RALYL: variants seen among roughly 807,000 people sequenced by gnomAD.
RALYL encodes RALY RNA binding protein like.
In RALYL, 29 loss-of-function variants were observed where a neutral mutation model predicts 35.1. That is an observed-to-expected ratio of 0.83 (90% CI 0.61 to 1.13). RALYL has a LOEUF of 1.13. Among genes scored for constraint, RALYL ranks in the 50% most tolerant of loss-of-function variants. RALYL has a pLI of 0.00. For missense variants in RALYL, 359 were observed against 360.4 expected (o/e 1.00, Z 0.03); for synonymous variants, 120 against 127.6 (o/e 0.94, Z 0.40).
chr8:84,864,592 C>A (rs1395303321), intron 6 of RALYL: 4 of 235,236 alleles, frequency 1.7e-5, no homozygotes, highest in Non-Finnish European at 3.4e-5. Context: ...AAGATTTATC[C>A]TAAGGATTAA....
intron 3 of RALYL, among the ~76,000 whole-genome samples, chr8:84,798,865 A>G (rs1459175542): frequency 6.6e-6 from 1 of 152,236 alleles, no homozygotes; most frequent in Non-Finnish European, 1.5e-5. Context: ...ATGCCAATGC[A>G]CAGGGGAAAA....
chr8:84,788,350 G>A (rs564324803), intron 3 of RALYL, among the ~76,000 whole-genome samples: 9 of 152,192 alleles, frequency 5.9e-5, no homozygotes, highest in South Asian at 2.1e-4. Context: ...AATAAATGAC[G>A]TCGAGAAAAC....
At chr8:84,371,224 G>A (rs1855618019) in intron 1 of RALYL, among the ~76,000 whole-genome samples, 2 of 151,872 alleles carry the variant, frequency 1.3e-5, no homozygotes. Context: ...TATTATCTGA[G>A]GAAATTAATT....
At chr8:84,510,490 A>G (rs2057519335) in intron 1 of RALYL, among the ~76,000 whole-genome samples, 1 of 152,126 alleles carries the variant, frequency 6.6e-6, no homozygotes, top group African/African-American at 2.4e-5. Context: ...CCTCGGTAGC[A>G]ATTTTTCACC....
chr8:84,302,916 G>T (rs1042517248), intron 1 of RALYL, among the ~76,000 whole-genome samples: 3 of 152,176 alleles, frequency 2.0e-5, no homozygotes, highest in Non-Finnish European at 4.4e-5. Flanking sequence ...ACACCCAAAG[G>T]ACTTGCAGAA....
intron 1 of RALYL, among the ~76,000 whole-genome samples, chr8:84,405,217 G>C (rs2043346889): frequency 6.6e-6 from 1 of 152,208 alleles, no homozygotes; most frequent in African/African-American, 2.4e-5. Flanking sequence ...CTAAAGCAGT[G>C]TTTAGAGGGA....
chr8:84,485,370 C>G (rs923857260), intron 1 of RALYL, among the ~76,000 whole-genome samples: 2 of 152,098 alleles, frequency 1.3e-5, no homozygotes, highest in Non-Finnish European at 2.9e-5. Context: ...GAGTGGATCA[C>G]TTGAGGTCAG....
At chr8:84,716,456 T>A (rs1209060855) in intron 2 of RALYL, among the ~76,000 whole-genome samples, 2 of 152,210 alleles carry the variant, frequency 1.3e-5, no homozygotes, top group Non-Finnish European at 2.9e-5. Context: ...ATTCATTTAC[T>A]TGGTCACATG....
In RALYL at chr8:84,367,318, A is replaced by AATTTTTTT. The variant is rs1854572226; in HGVS notation, c.-23-161981_-23-161980insATTTTTTT. On this transcript the variant is annotated intron_variant, in intron 1 of 8. Transcript: ENST00000521268. ...GCCATCCTGCCCAACTAATTTTTGT[A>AATTTTTTT]TTTTTTTTTTTTTTTTTTTTTTTTT... 2.9e-4 allele frequency among the ~76,000 whole-genome samples: 8 copies of AATTTTTTT among 27,400 alleles called. 3 individuals carry two copies. The highest frequency in any genetic ancestry group is 5.9e-4 in the Non-Finnish European group (6 of 10,140). The allele number at this position is 27,400 out of a possible 152,430, so 18.0% of individuals were successfully genotyped here.
At chr8:84,825,673 G>T (rs1178351517) in intron 4 of RALYL, among the ~76,000 whole-genome samples, 4 of 151,982 alleles carry the variant, frequency 2.6e-5, no homozygotes, top group African/African-American at 9.7e-5. Context: ...TTCAAGCCCA[G>T]CCTGGCTAAC....
At chr8:84,845,754 C>A (rs1834504881) in intron 4 of RALYL, among the ~76,000 whole-genome samples, 1 of 152,048 alleles carries the variant, frequency 6.6e-6, no homozygotes, top group South Asian at 2.1e-4. Context: ...CCTAGGTTTT[C>A]TTCTAAGATT....
At chr8:84,210,451 T>G (rs1442867699) in intron 1 of RALYL, among the ~76,000 whole-genome samples, 1 of 151,698 alleles carries the variant, frequency 6.6e-6, no homozygotes, top group African/African-American at 2.4e-5. Flanking sequence ...TGCTTCTCAC[T>G]TAATTAGTGG....
intron 1 of RALYL, among the ~76,000 whole-genome samples, chr8:84,477,550 TTAAA>T (rs1257355589): frequency 2.0e-5 from 3 of 149,916 alleles, no homozygotes; most frequent in African/African-American, 7.3e-5. Context: ...TACATGTATA[TTAAA>T]TAAAAATACG....
intron 1 of RALYL, among the ~76,000 whole-genome samples, chr8:84,234,221 C>T (rs964816385): frequency 1.3e-5 from 2 of 152,164 alleles, no homozygotes; most frequent in African/African-American, 4.8e-5. Flanking sequence ...GCTAATTTCT[C>T]CTCTTTGCTC....
At chr8:84,411,993 A>G (rs1303782263) in intron 1 of RALYL, among the ~76,000 whole-genome samples, 2 of 151,956 alleles carry the variant, frequency 1.3e-5, no homozygotes, top group African/African-American at 4.8e-5. Context: ...AAGAAGTATG[A>G]TAATATACAC....
chr8:84,528,621 T>A (rs1454936184), intron 1 of RALYL, among the ~76,000 whole-genome samples: 1 of 152,120 alleles, frequency 6.6e-6, no homozygotes, highest in East Asian at 1.9e-4. Flanking sequence ...CTGGCTCTTA[T>A]GTTTTGTTTT....
At chr8:84,667,926 T>C (rs887821570) in intron 2 of RALYL, among the ~76,000 whole-genome samples, 2 of 152,098 alleles carry the variant, frequency 1.3e-5, no homozygotes, top group East Asian at 1.9e-4. Context: ...AGCAAGAAAA[T>C]GGGCATTCCA....
Position 84,616,732 on chromosome 8 carries a change from G to A in RALYL, c.256+87155G>A, listed in dbSNP as rs1305702338. ...GGGTTTTTATGGTTTTAGGTCTAAC[G>A]TTTAAGTCTTTAATCCATCTTGAAT... is the stretch of plus-strand genomic sequence containing the variant. On this transcript the variant is annotated intron_variant, in intron 2 of 8. Transcript: ENST00000521268. Among the ~76,000 whole-genome samples the A allele has an allele frequency of 7.3e-5, 11 of 151,278 alleles. 1 individual carries two copies. Among genetic ancestry groups the A allele is most frequent in the South Asian group, 4.2e-4 (2 of 4,812 alleles).
chr8:84,756,831 T>C (rs1260150938), intron 2 of RALYL, among the ~76,000 whole-genome samples: 1 of 152,098 alleles, frequency 6.6e-6, no homozygotes, highest in Non-Finnish European at 1.5e-5. Context: ...CACTTTTCTT[T>C]ACATAATGGA....
Sources: allele counts gnomAD v4.1 joint callset (sites outside exome capture counted in the v4.1 genomes callset), GRCh38; gene constraint gnomAD v4.1.1; transcripts MANE v1.5; gene names NCBI Gene and HGNC (gene_info 2026-07-23, HGNC 2026-07-21).